Variants in ATP8B4 observed in about 807,000 individuals in gnomAD.
ATP8B4 encodes the protein ATPase phospholipid transporting 8B4 (putative), also known as probable phospholipid-transporting ATPase IM.
In ATP8B4, 133 loss-of-function variants were observed where a neutral mutation model predicts 145.6. The ratio of observed to expected loss-of-function variants is 0.91; its 90% CI spans 0.79 to 1.05. The LOEUF (loss-of-function observed/expected upper bound fraction) is 1.05. Among genes scored for constraint, ATP8B4 ranks in the 50% least tolerant of loss-of-function variants. The pLI is 0.00. For missense variants in ATP8B4, 1,458 were observed against 1,425.2 expected (o/e 1.02, Z -0.37); for synonymous variants, 507 against 492.9 (o/e 1.03, Z -0.38).
chr15:50,007,739 C>T (rs1357572797), intron 7 of ATP8B4, among the ~76,000 whole-genome samples: 2 of 152,072 alleles, frequency 1.3e-5, no homozygotes, highest in East Asian at 3.9e-4. Context: ...TCTCTGAAGC[C>T]CCTGCCAGCT....
chr15:50,032,023 A>C (rs986884997), intron 6 of ATP8B4, among the ~76,000 whole-genome samples: 21 of 152,234 alleles, frequency 1.4e-4, no homozygotes, highest in Non-Finnish European at 2.6e-4. Context: ...GATTCAACAA[A>C]TATTTATTCT....
At chr15:49,995,155 T>C (rs900160287) in intron 9 of ATP8B4, among the ~76,000 whole-genome samples, 14 of 152,154 alleles carry the variant, frequency 9.2e-5, no homozygotes, top group African/African-American at 3.1e-4. Flanking sequence ...CCTAAATAAT[T>C]GCTAACAATC....
intron 20 of ATP8B4, among the ~76,000 whole-genome samples, chr15:49,913,877 C>T (rs2039477876): frequency 1.3e-5 from 2 of 152,024 alleles, no homozygotes. Flanking sequence ...TTGGAGAGGG[C>T]ACAAACAAAT....
intron 12 of ATP8B4, among the ~76,000 whole-genome samples, chr15:49,978,236 A>G (rs1207588714): frequency 1.3e-5 from 2 of 152,216 alleles, no homozygotes; most frequent in Admixed American, 1.3e-4. Flanking sequence ...AATGCTATAA[A>G]AGCTGACTGT....
At chr15:49,945,269 G>C (rs1410889411) in intron 14 of ATP8B4, among the ~76,000 whole-genome samples, 1 of 152,010 alleles carries the variant, frequency 6.6e-6, no homozygotes, top group East Asian at 1.9e-4. Flanking sequence ...TAGAAAAACA[G>C]ACAAACTCCT....
chr15:50,132,682 T>G (rs568860770), intron 1 of ATP8B4, among the ~76,000 whole-genome samples: 4 of 152,178 alleles, frequency 2.6e-5, no homozygotes, highest in Non-Finnish European at 5.9e-5. Context: ...GCAGCACTAT[T>G]CACACTAGCA....
intron 10 of ATP8B4, among the ~76,000 whole-genome samples, chr15:49,981,812 T>C (rs2046181144): frequency 6.6e-6 from 1 of 152,162 alleles, no homozygotes. Flanking sequence ...TTATTGTGTA[T>C]TGTATACTGC....
rs1024252908 is a variant in ATP8B4 at position 49,962,214 on chromosome 15, G to A, written c.1244-194C>T. 2.6e-5 allele frequency among the ~76,000 whole-genome samples: 4 copies of A among 152,162 alleles called. No homozygotes were observed. The East Asian group carries it at 5.8e-4, about 22-fold the overall frequency. On this transcript the variant is annotated intron_variant, in intron 13 of 27. Coordinates refer to ENST00000284509, the MANE Select transcript of ATP8B4 (RefSeq NM_024837.4). ...ATGGCAATTATGCAGTGAGACATTC[G>A]TGTTTGCCCAAGATAGGACTAAAGT...
intron 23 of ATP8B4, among the ~76,000 whole-genome samples, chr15:49,893,235 A>G (rs530116446): frequency 6.6e-6 from 1 of 152,342 alleles, no homozygotes; most frequent in South Asian, 2.1e-4. Context: ...CAGAGCCTAC[A>G]ATTCACAGAC....
chr15:49,860,081 T>C lies in ATP8B4; in HGVS notation c.*113A>G, dbSNP rs1416760564. 1.1e-5 allele frequency: 15 copies of C among 1,314,124 alleles called. No homozygotes were observed. The highest frequency in any genetic ancestry group is 1.6e-5 in the Non-Finnish European group (15 of 959,390). The allele number at this position is 1,314,124 out of a possible 1,614,324, so 81.4% of individuals were successfully genotyped here. ...TTGTCTGCCGCAGATTTAAGTTAAG[T>C]GAGGCAATCTGCCTGCCCCACCTCT... is the stretch of plus-strand genomic sequence containing the variant. On this transcript the variant is annotated 3_prime_UTR_variant, in exon 28 of 28. Transcript: ENST00000284509.
At chr15:50,118,985 T>C (rs962462299) in intron 1 of ATP8B4, 138 bp downstream of exon 1, 1 of 152,192 alleles carries the variant, frequency 6.6e-6, no homozygotes, top group Non-Finnish European at 1.5e-5. Flanking sequence ...TAAAGAATAT[T>C]TGTGAAACCT....
intron 23 of ATP8B4, among the ~76,000 whole-genome samples, chr15:49,894,433 G>T (rs1226414723): frequency 6.6e-6 from 1 of 152,092 alleles, no homozygotes; most frequent in African/African-American, 2.4e-5. Flanking sequence ...TTTTTATATG[G>T]TGATTGCTCC....
Position 50,088,300 on chromosome 15 carries a change from G to A in ATP8B4, c.29-14115C>T, listed in dbSNP as rs189666085. On this transcript the variant is annotated intron_variant, in intron 2 of 27. Coordinates refer to ENST00000284509, the MANE Select transcript of ATP8B4 (RefSeq NM_024837.4). ...TGGGAAGAATTGCTTGAACCCGGGA[G>A]GCGTCTCTGCACTCCAGCTTGGGTG... 1.7e-3 allele frequency among the ~76,000 whole-genome samples: 263 copies of A among 151,832 alleles called. 3 individuals are homozygous for A. The highest frequency in any genetic ancestry group is 0.015 in the South Asian group (72 of 4,798).
At chr15:49,876,989 G>A (rs2034546799) in intron 24 of ATP8B4, among the ~76,000 whole-genome samples, 1 of 152,182 alleles carries the variant, frequency 6.6e-6, no homozygotes, top group South Asian at 2.1e-4. Flanking sequence ...TGTCAAATCA[G>A]AGCTCATGAC....
At chr15:49,889,503 A>G (rs2036568196) in intron 23 of ATP8B4, among the ~76,000 whole-genome samples, 1 of 152,232 alleles carries the variant, frequency 6.6e-6, no homozygotes, top group Non-Finnish European at 1.5e-5. Context: ...AACCAGAGGA[A>G]AGTCCATAAA....
chr15:49,915,552 T>C (rs1442697444), intron 20 of ATP8B4, among the ~76,000 whole-genome samples: 1 of 152,228 alleles, frequency 6.6e-6, no homozygotes, highest in South Asian at 2.1e-4. Flanking sequence ...ATCCATATAA[T>C]AAAATATCAC....
intron 1 of ATP8B4, among the ~76,000 whole-genome samples, chr15:50,154,907 A>C (rs1369861063): frequency 6.6e-6 from 1 of 151,970 alleles, no homozygotes; most frequent in African/African-American, 2.4e-5. Flanking sequence ...AATTTGTTTA[A>C]GTTTTTTATT....
chr15:50,048,972 G>C (rs1302151582), intron 3 of ATP8B4, among the ~76,000 whole-genome samples: 1 of 152,128 alleles, frequency 6.6e-6, no homozygotes, highest in Non-Finnish European at 1.5e-5. Flanking sequence ...GTTAAGGCAG[G>C]AGCGGGAAAA....
intron 20 of ATP8B4, among the ~76,000 whole-genome samples, chr15:49,910,064 A>T (rs2153443810): frequency 6.6e-6 from 1 of 152,336 alleles, no homozygotes; most frequent in South Asian, 2.1e-4. Context: ...GTTTAGTGAG[A>T]TACAAGAGAA....
Sources: gnomAD v4.1 joint callset for allele counts (sites outside exome capture counted in the v4.1 genomes callset) on GRCh38, gnomAD v4.1.1 for gene constraint, MANE v1.5 for transcripts, NCBI Gene and HGNC (gene_info 2026-07-23, HGNC 2026-07-21) for gene names.